Variants in DCC observed in about 807,000 individuals in gnomAD.
DCC encodes the protein DCC netrin 1 receptor, also known as netrin receptor DCC.
DCC carries 58 observed loss-of-function variants against 172.5 expected under a neutral mutation model. That is an observed-to-expected ratio of 0.34 (90% CI 0.27 to 0.42). The LOEUF (loss-of-function observed/expected upper bound fraction) is 0.42, where lower values mean the gene tolerates loss of function less well. Ranked by LOEUF, DCC falls within the 10% of genes least tolerant of loss-of-function variation. The pLI, the probability that DCC is intolerant of heterozygous loss-of-function variation, is 1.00. For synonymous variants in DCC, 709 were observed against 644.5 expected, an observed-to-expected ratio of 1.10 and a Z score of -1.52; for missense variants, 1,740 against 1,791.0, an observed-to-expected ratio of 0.97 and a Z score of 0.51.
chr18:53,457,653 C>T (rs1045087383), intron 23 of DCC, among the ~76,000 whole-genome samples: 12 of 151,978 alleles, frequency 7.9e-5, no homozygotes, highest in Non-Finnish European at 1.3e-4. Context: ...ATCAGTTTGC[C>T]GTGGGCAAGT....
chr18:52,577,125 G>T (rs2033433455), intron 1 of DCC, among the ~76,000 whole-genome samples: 1 of 152,170 alleles, frequency 6.6e-6, no homozygotes, highest in Admixed American at 6.5e-5. Context: ...TTATACTTAG[G>T]AGACACATTG....
intron 1 of DCC, among the ~76,000 whole-genome samples, chr18:52,390,835 A>G (rs949105402): frequency 3.3e-5 from 5 of 152,100 alleles, no homozygotes; most frequent in African/African-American, 1.2e-4. Flanking sequence ...TGTTAGTTGT[A>G]TTCATTATTA....
At chr18:52,951,979 G>A (rs1598963941) in intron 5 of DCC, among the ~76,000 whole-genome samples, 1 of 152,160 alleles carries the variant, frequency 6.6e-6, no homozygotes, top group South Asian at 2.1e-4. Flanking sequence ...CAATGAAGAT[G>A]TGCACATTTG....
intron 1 of DCC, among the ~76,000 whole-genome samples, chr18:52,502,954 T>A (rs1354859282): frequency 6.6e-6 from 1 of 152,226 alleles, no homozygotes; most frequent in East Asian, 1.9e-4. Context: ...GTCATATATT[T>A]GTCATATTAT....
At chr18:52,786,348 A>G (rs1224397695) in intron 2 of DCC, among the ~76,000 whole-genome samples, 1 of 152,090 alleles carries the variant, frequency 6.6e-6, no homozygotes, top group Non-Finnish European at 1.5e-5. Context: ...AATAAGCAGG[A>G]TTAGTCTAAA....
chr18:52,429,523 G>A (rs530374837), intron 1 of DCC, among the ~76,000 whole-genome samples: 6 of 152,082 alleles, frequency 3.9e-5, no homozygotes, highest in African/African-American at 7.2e-5. Flanking sequence ...CTGTGTGAAC[G>A]TTTTCTATGT....
At chr18:53,228,929 T>C (rs1172158424) in intron 12 of DCC, among the ~76,000 whole-genome samples, 1 of 152,188 alleles carries the variant, frequency 6.6e-6, no homozygotes, top group African/African-American at 2.4e-5. Flanking sequence ...AATTGTTTTA[T>C]ATTTCTTTAT....
At chr18:52,936,679 C>T (rs189152110) in intron 5 of DCC, among the ~76,000 whole-genome samples, 1 of 149,390 alleles carries the variant, frequency 6.7e-6, no homozygotes, top group Non-Finnish European at 1.5e-5. Context: ...CTGTGGCTCA[C>T]AAGGAGGAGA....
chr18:53,475,983 A>T (rs2045757414), intron 25 of DCC, among the ~76,000 whole-genome samples: 1 of 152,196 alleles, frequency 6.6e-6, no homozygotes, highest in Non-Finnish European at 1.5e-5. Flanking sequence ...AATGTGAGAC[A>T]TGGAATCAGA....
At position 52,496,099 on chromosome 18, in the gene DCC, T is replaced by C. The variant is rs1043079319; in HGVS notation, c.91+155221T>C. Among the ~76,000 whole-genome samples, 25 of 152,262 alleles carry C rather than the reference T, an allele frequency of 1.6e-4. No homozygotes were observed. In the South Asian group the frequency reaches 5.0e-3, roughly 30 times the overall value. ...AAGGATTCAGTAAGGGATAGCAGTGTTATTACTTATCCTGATTACAAACCA... is the reference window on the plus strand; with the variant it reads ...AAGGATTCAGTAAGGGATAGCAGTGCTATTACTTATCCTGATTACAAACCA... On this transcript the variant is annotated intron_variant, in intron 1 of 28. Transcript: ENST00000442544.
chr18:53,373,660 T>C (rs530893455), intron 15 of DCC, among the ~76,000 whole-genome samples: 1 of 152,268 alleles, frequency 6.6e-6, no homozygotes, highest in East Asian at 1.9e-4. Context: ...TCCCTTTTTG[T>C]TAGTTACAAT....
chr18:52,352,222 T>C (rs962450307), intron 1 of DCC, among the ~76,000 whole-genome samples: 33 of 152,248 alleles, frequency 2.2e-4, no homozygotes, highest in Admixed American at 2.2e-3. Context: ...GTTAGTATTA[T>C]GTTAGTATGG....
intron 12 of DCC, among the ~76,000 whole-genome samples, chr18:53,286,666 G>A (rs948727110): frequency 3.3e-5 from 5 of 151,994 alleles, no homozygotes; most frequent in Admixed American, 1.3e-4. Context: ...TGCCTTCTTC[G>A]CCTTCTTCTG....
intron 7 of DCC, among the ~76,000 whole-genome samples, chr18:53,122,898 T>G (rs1262285019): frequency 6.6e-6 from 1 of 152,100 alleles, no homozygotes; most frequent in Non-Finnish European, 1.5e-5. Context: ...CCCTTTTGCA[T>G]GCATATCTTT....
intron 1 of DCC, among the ~76,000 whole-genome samples, chr18:52,476,910 C>A (rs1421124260): frequency 6.6e-6 from 1 of 152,146 alleles, no homozygotes; most frequent in African/African-American, 2.4e-5. Flanking sequence ...AGAGGATTGG[C>A]TCCTCTGTCC....
intron 5 of DCC, among the ~76,000 whole-genome samples, chr18:52,963,961 A>G (rs2040887514): frequency 6.6e-6 from 1 of 152,148 alleles, no homozygotes; most frequent in East Asian, 1.9e-4. Flanking sequence ...GATTTTAAAA[A>G]GGTGCATAAG....
At chr18:53,010,956 T>C (rs1026109383) in intron 5 of DCC, among the ~76,000 whole-genome samples, 1 of 151,340 alleles carries the variant, frequency 6.6e-6, no homozygotes, top group Non-Finnish European at 1.5e-5. Context: ...AAGTGGTGGA[T>C]ACTCTTCATT....
At chr18:52,770,062 G>A (rs1375624650) in intron 2 of DCC, among the ~76,000 whole-genome samples, 1 of 152,148 alleles carries the variant, frequency 6.6e-6, no homozygotes, top group South Asian at 2.1e-4. Context: ...TTTGAAGTTG[G>A]TGGATGATTT....
intron 12 of DCC, among the ~76,000 whole-genome samples, chr18:53,262,254 A>C (rs898221830): frequency 1.3e-4 from 20 of 152,118 alleles, no homozygotes; most frequent in African/African-American, 4.8e-4. Context: ...ACTTATGTGA[A>C]TGTATTATAC....
Sources: gnomAD v4.1 joint callset for allele counts (sites outside exome capture counted in the v4.1 genomes callset) on GRCh38, gnomAD v4.1.1 for gene constraint, MANE v1.5 for transcripts, NCBI Gene and HGNC (gene_info 2026-07-23, HGNC 2026-07-21) for gene names.